The following LRRC8D variants were observed in gnomAD, a reference collection of about 807,000 sequenced individuals.
LRRC8D encodes the protein volume-regulated anion channel subunit LRRC8D.
LRRC8D carries 20 observed loss-of-function variants against 55.8 expected under a neutral mutation model. The ratio of observed to expected loss-of-function variants is 0.36; its 90% CI spans 0.25 to 0.52. The LOEUF is 0.52. LRRC8D is among the 20% of genes least tolerant of loss of function. LRRC8D has a pLI of 0.93. For missense variants in LRRC8D, 651 were observed against 1,030.8 expected, an observed-to-expected ratio of 0.63 and a Z score of 5.05; for synonymous variants, 352 against 377.0, an observed-to-expected ratio of 0.93 and a Z score of 0.77.
At chr1:89,907,563 T>C (rs752918435) in intron 2 of LRRC8D, among the ~76,000 whole-genome samples, 14 of 152,188 alleles carry the variant, frequency 9.2e-5, no homozygotes, top group Non-Finnish European at 1.8e-4. Flanking sequence ...TTGAGATTAC[T>C]GACAACCTTT....
chr1:89,888,332 A>G (rs543360655), intron 2 of LRRC8D, among the ~76,000 whole-genome samples: 1 of 152,320 alleles, frequency 6.6e-6, no homozygotes, highest in Non-Finnish European at 1.5e-5. Flanking sequence ...TGGATAGTGG[A>G]TGATGAGGGC....
At chr1:89,842,321 G>T (rs1661156901) in intron 1 of LRRC8D, among the ~76,000 whole-genome samples, 1 of 151,692 alleles carries the variant, frequency 6.6e-6, no homozygotes, top group Non-Finnish European at 1.5e-5. Flanking sequence ...TTCTCCATTT[G>T]ACCACTTTCT....
intron 2 of LRRC8D, among the ~76,000 whole-genome samples, chr1:89,869,580 C>T (rs1196836891): frequency 2.6e-5 from 4 of 152,094 alleles, no homozygotes; most frequent in East Asian, 1.9e-4. Context: ...CAAGACATGC[C>T]GACATTCAAA....
chr1:89,927,480 T>G (rs1447992753), intron 2 of LRRC8D, among the ~76,000 whole-genome samples: 4 of 152,252 alleles, frequency 2.6e-5, no homozygotes, highest in Non-Finnish European at 1.5e-5. Context: ...TTAGAGCTAA[T>G]ACAAATGGTG....
At chr1:89,881,676 G>A (rs1445868536) in intron 2 of LRRC8D, among the ~76,000 whole-genome samples, 3 of 152,064 alleles carry the variant, frequency 2.0e-5, no homozygotes, top group Non-Finnish European at 4.4e-5. Context: ...ACCTAAGGGG[G>A]CTCAAGACAT....
intron 2 of LRRC8D, among the ~76,000 whole-genome samples, chr1:89,908,897 T>TATTTTTTTAAATAA (rs1220178262): frequency 1.3e-5 from 2 of 152,222 alleles, no homozygotes; most frequent in East Asian, 3.9e-4. Flanking sequence ...TTTGGGGATT[T>TATTTTTTTAAATAA]ATTTTTTTAA....
At chr1:89,899,614 A>C (rs1662799552) in intron 2 of LRRC8D, among the ~76,000 whole-genome samples, 2 of 152,226 alleles carry the variant, frequency 1.3e-5, no homozygotes, top group Non-Finnish European at 1.5e-5. Context: ...GAACAATTAC[A>C]CTCACATTTG....
intron 2 of LRRC8D, among the ~76,000 whole-genome samples, chr1:89,891,692 A>G (rs753893638): frequency 1.3e-5 from 2 of 152,254 alleles, no homozygotes; most frequent in East Asian, 1.9e-4. Context: ...GATAACCACA[A>G]TAATGTTGAT....
At chr1:89,868,890 G>T (rs1661922090) in intron 2 of LRRC8D, among the ~76,000 whole-genome samples, 3 of 152,132 alleles carry the variant, frequency 2.0e-5, no homozygotes, top group Admixed American at 6.6e-5. Context: ...TGTATTTTTT[G>T]TTGTTGTTTT....
At chr1:89,859,910 TA>T (rs1661657437) in intron 2 of LRRC8D, among the ~76,000 whole-genome samples, 1 of 152,254 alleles carries the variant, frequency 6.6e-6, no homozygotes, top group African/African-American at 2.4e-5. Flanking sequence ...TGACAAAAAT[TA>T]CTTTGAAGTA....
In LRRC8D at chr1:89,911,714, C is replaced by T. The variant is rs189136520; in HGVS notation, c.-2-21353C>T. Reference sequence around the variant, plus strand: ...GCACACGTGAGCCAGACTTTTTCACCGAAAGTGCTCAGGCCAAAGTGTCAG... The same window carrying T: ...GCACACGTGAGCCAGACTTTTTCACTGAAAGTGCTCAGGCCAAAGTGTCAG... On this transcript the variant is annotated intron_variant, in intron 2 of 2. Coordinates refer to ENST00000337338, the MANE Select transcript of LRRC8D (RefSeq NM_001134479.2). The surrounding 1 kb of genome is among the most constrained non-coding windows in gnomAD (Gnocchi z 4.0). 2.3e-4 allele frequency among the ~76,000 whole-genome samples: 35 copies of T among 152,284 alleles called. No individual in the cohort carries two copies. The highest frequency in any genetic ancestry group is 7.5e-4 in the African/African-American group (31 of 41,558).
intron 1 of LRRC8D, among the ~76,000 whole-genome samples, chr1:89,836,532 T>C (rs762853814): frequency 1.3e-5 from 2 of 152,190 alleles, no homozygotes; most frequent in South Asian, 4.1e-4. Context: ...CTTCTTTTCT[T>C]TGGGTTTTCC....
At chr1:89,860,835 A>T (rs558281224) in intron 2 of LRRC8D, among the ~76,000 whole-genome samples, 1 of 126,508 alleles carries the variant, frequency 7.9e-6, no homozygotes, top group Non-Finnish European at 1.6e-5. Flanking sequence ...TTTTGTACGT[A>T]TTTTTAAGAT....
At position 89,843,721 on chromosome 1, in the gene LRRC8D, A is replaced by G; in HGVS notation, c.-64A>G. On this transcript the variant is annotated 5_prime_UTR_variant, in exon 2 of 3. Coordinates refer to ENST00000337338, the MANE Select transcript of LRRC8D (RefSeq NM_001134479.2). ...CTGTCGCCGTGGTTCCAGCCTCCGG[A>G]GCTCGCCCAAGCCGCGTCCCCAGAG... is the stretch of plus-strand genomic sequence containing the variant. 2 of 701,618 alleles carry G rather than the reference A, an allele frequency of 2.9e-6. No individual in the cohort carries two copies. Among genetic ancestry groups the G allele is most frequent in the Non-Finnish European group, 5.2e-6 (2 of 384,516 alleles). The allele number at this position is 701,618 out of a possible 1,614,324, so 43.5% of individuals were successfully genotyped here.
At chr1:89,842,077 G>C (rs1449705631) in intron 1 of LRRC8D, among the ~76,000 whole-genome samples, 2 of 152,014 alleles carry the variant, frequency 1.3e-5, no homozygotes, top group East Asian at 3.9e-4. Flanking sequence ...GCTGGGCATG[G>C]TGGCGTGTGC....
intron 2 of LRRC8D, among the ~76,000 whole-genome samples, chr1:89,870,013 C>G (rs1052795955): frequency 2.0e-5 from 3 of 151,982 alleles, no homozygotes; most frequent in African/African-American, 7.3e-5. Flanking sequence ...GAGGCTGAGG[C>G]AGGAGAATTG....
intron 2 of LRRC8D, among the ~76,000 whole-genome samples, chr1:89,895,207 G>A (rs771694904): frequency 9.2e-5 from 14 of 152,088 alleles, no homozygotes; most frequent in Non-Finnish European, 1.5e-4. Context: ...GTATTACTAC[G>A]CAAGAAAAGA....
intron 2 of LRRC8D, among the ~76,000 whole-genome samples, chr1:89,881,699 AAGGCATGATCATGCCTTTTCTT>A (rs571079241): frequency 1.1e-4 from 16 of 152,146 alleles, no homozygotes; most frequent in East Asian, 1.9e-4. Flanking sequence ...ATGGCCTGAA[AAGGCATGATCATGCCTTTTCTT>A]AGGCATGAAT....
chr1:89,888,685 G>A (rs1327992888), intron 2 of LRRC8D, among the ~76,000 whole-genome samples: 1 of 152,316 alleles, frequency 6.6e-6, no homozygotes, highest in Admixed American at 6.5e-5. Flanking sequence ...CAGGGAATGT[G>A]CAAGATGAAC....
Sources: gnomAD v4.1 joint callset for allele counts (sites outside exome capture counted in the v4.1 genomes callset) on GRCh38, gnomAD v4.1.1 for gene constraint, Gnocchi (gnomAD v3.1) non-coding constraint, MANE v1.5 for transcripts, NCBI Gene and HGNC (gene_info 2026-07-23, HGNC 2026-07-21) for gene names.